Variants in PALLD observed in about 807,000 individuals in gnomAD.
The protein encoded by PALLD is palladin.
A neutral mutation model predicts 123.5 loss-of-function variants in PALLD; 61 were observed. The observed-to-expected ratio is 0.49, with a 90% CI of 0.40 to 0.61. The LOEUF is 0.61. Among genes scored for constraint, PALLD ranks in the 20% least tolerant of loss-of-function variants. The pLI is 0.00. For missense variants in PALLD, 1,273 were observed against 1,377.0 expected (o/e 0.92, Z 1.20); for synonymous variants, 465 against 496.4 (o/e 0.94, Z 0.84).
chr4:168,820,547 A>T (rs1237803521), intron 10 of PALLD, among the ~76,000 whole-genome samples: 1 of 152,202 alleles, frequency 6.6e-6, no homozygotes, highest in African/African-American at 2.4e-5. Context: ...ATGGATACAT[A>T]TGCATCACAA....
At chr4:168,554,528 C>A (rs372453425) in intron 2 of PALLD, among the ~76,000 whole-genome samples, 1 of 152,146 alleles carries the variant, frequency 6.6e-6, no homozygotes, top group Non-Finnish European at 1.5e-5. Flanking sequence ...CACAGCAATG[C>A]ATGTTACCTG....
chr4:168,704,848 G>A (rs1012832100), intron 8 of PALLD, among the ~76,000 whole-genome samples: 1 of 151,804 alleles, frequency 6.6e-6, no homozygotes, highest in African/African-American at 2.4e-5. Flanking sequence ...AAGACAAGTG[G>A]GAGAAAAAGA....
intron 2 of PALLD, among the ~76,000 whole-genome samples, chr4:168,553,930 C>G (rs1767004261): frequency 6.6e-6 from 1 of 152,166 alleles, no homozygotes; most frequent in Non-Finnish European, 1.5e-5. Context: ...ATTCTACATT[C>G]TGGAAGGAAA....
At chr4:168,593,580 G>A (rs1421229491) in intron 2 of PALLD, among the ~76,000 whole-genome samples, 1 of 152,168 alleles carries the variant, frequency 6.6e-6, no homozygotes, top group Non-Finnish European at 1.5e-5. Context: ...CCCAGAAACT[G>A]GAGGAAGATG....
intron 2 of PALLD, among the ~76,000 whole-genome samples, chr4:168,565,317 G>A (rs1329417362): frequency 6.6e-6 from 1 of 152,022 alleles, no homozygotes; most frequent in African/African-American, 2.4e-5. Flanking sequence ...GTAGCCTCTG[G>A]GGATACAAGG....
intron 2 of PALLD, among the ~76,000 whole-genome samples, chr4:168,543,121 T>C (rs968711495): frequency 1.3e-5 from 2 of 152,134 alleles, no homozygotes; most frequent in Non-Finnish European, 1.5e-5. Flanking sequence ...CCTCTGAGCA[T>C]GTCAGCTAGG....
intron 2 of PALLD, among the ~76,000 whole-genome samples, chr4:168,580,721 C>T (rs1207414367): frequency 6.6e-6 from 1 of 151,968 alleles, no homozygotes; most frequent in African/African-American, 2.4e-5. Context: ...ATGGAATCAA[C>T]CTAAATGCCC....
At chr4:168,801,515 T>C (rs1053608153) in intron 10 of PALLD, among the ~76,000 whole-genome samples, 2 of 152,204 alleles carry the variant, frequency 1.3e-5, no homozygotes, top group Non-Finnish European at 2.9e-5. Context: ...CCTGACCTCG[T>C]GATCTGCCCG....
intron 10 of PALLD, among the ~76,000 whole-genome samples, chr4:168,779,595 T>G (rs1735620792): frequency 6.6e-6 from 1 of 152,022 alleles, no homozygotes; most frequent in Non-Finnish European, 1.5e-5. Flanking sequence ...AACATACATT[T>G]TTAGATTCTG....
chr4:168,613,085 G>A (rs1773892996), intron 2 of PALLD, among the ~76,000 whole-genome samples: 1 of 152,168 alleles, frequency 6.6e-6, no homozygotes. Flanking sequence ...GAGGTGGCAT[G>A]ACAGAAAAAC....
chr4:168,652,395 G>A lies in PALLD; in HGVS notation c.909-15795G>A, dbSNP rs570362598. On this transcript the variant is annotated intron_variant, in intron 2 of 21. Coordinates refer to ENST00000505667, the MANE Select transcript of PALLD (RefSeq NM_001166108.2). ...AAAAATCTCTTCAAAGCTCTCAAAT[G>A]GGCCTTTGAAAAATTAAATTACACC... is the stretch of plus-strand genomic sequence containing the variant. Among the ~76,000 whole-genome samples, 60 of 152,224 alleles carry A rather than the reference G, an allele frequency of 3.9e-4. 1 individual carries two copies. The highest frequency in any genetic ancestry group is 3.5e-3 in the South Asian group (17 of 4,820).
At chr4:168,739,258 T>G in intron 10 of PALLD, among the ~76,000 whole-genome samples, 1 of 152,234 alleles carries the variant, frequency 6.6e-6, no homozygotes. Flanking sequence ...GATATACTGA[T>G]TCATTTTCCT....
chr4:168,634,874 AT>A (rs1272299177), intron 2 of PALLD, among the ~76,000 whole-genome samples: 1 of 151,290 alleles, frequency 6.6e-6, no homozygotes, highest in Non-Finnish European at 1.5e-5. Context: ...CCTTTTTTTC[AT>A]TTTTATTGCT....
At chr4:168,713,368 A>G (rs1467117714) in intron 10 of PALLD, among the ~76,000 whole-genome samples, 1 of 152,240 alleles carries the variant, frequency 6.6e-6, no homozygotes, top group African/African-American at 2.4e-5. Context: ...CATTTTGAAT[A>G]TGTATTTGCA....
rs994619476 is a variant in PALLD at position 168,840,113 on chromosome 4, T to A, written c.1965-50809T>A. 1.1e-4 allele frequency among the ~76,000 whole-genome samples: 16 copies of A among 150,078 alleles called. No individual in the cohort carries two copies. In the East Asian group the frequency reaches 1.7e-3, roughly 16 times the overall value. On this transcript the variant is annotated intron_variant, in intron 10 of 21. Transcript: ENST00000505667. ...TTTGTGTGGAAGATGTAGATTTTTT[T>A]TAAAAAAAATCTATTTTTGGCTCTA...
intron 10 of PALLD, among the ~76,000 whole-genome samples, chr4:168,834,110 A>G (rs1744757868): frequency 6.6e-6 from 1 of 151,948 alleles, no homozygotes; most frequent in African/African-American, 2.4e-5. Context: ...CTGGGCATGT[A>G]CAGCAAGTAG....
intron 2 of PALLD, among the ~76,000 whole-genome samples, chr4:168,612,778 G>A (rs1773863571): frequency 6.6e-6 from 1 of 152,136 alleles, no homozygotes; most frequent in African/African-American, 2.4e-5. Context: ...GCTGTGCTTA[G>A]AGCTAAACTT....
intron 10 of PALLD, among the ~76,000 whole-genome samples, chr4:168,757,888 A>G (rs1732118582): frequency 6.6e-6 from 1 of 152,206 alleles, no homozygotes; most frequent in Non-Finnish European, 1.5e-5. Context: ...CCTGACCAAC[A>G]TGGCGAAACC....
At chr4:168,759,020 CAAAA>C (rs1049581681) in intron 10 of PALLD, among the ~76,000 whole-genome samples, 1 of 147,750 alleles carries the variant, frequency 6.8e-6, no homozygotes, top group Non-Finnish European at 1.5e-5. Context: ...ACTAAAAATA[CAAAA>C]AAAAATTAGC....
Sources: gnomAD v4.1 joint callset for allele counts (sites outside exome capture counted in the v4.1 genomes callset) on GRCh38, gnomAD v4.1.1 for gene constraint, MANE v1.5 for transcripts, NCBI Gene and HGNC (gene_info 2026-07-23, HGNC 2026-07-21) for gene names.